The following ZNF621 variants were observed in gnomAD, a reference collection of about 807,000 sequenced individuals.
ZNF621 encodes the protein zinc finger protein 621.
Under a neutral mutation model 12.7 loss-of-function variants are expected in ZNF621, and 6 were observed. That is an observed-to-expected ratio of 0.47 (90% confidence interval 0.26 to 0.93). ZNF621 has a LOEUF of 0.93. Ranked by LOEUF, ZNF621 falls within the 40% of genes least tolerant of loss-of-function variation. The pLI, the probability that ZNF621 is intolerant of heterozygous loss-of-function variation, is 0.15. For synonymous variants in ZNF621, 156 were observed against 190.3 expected (o/e 0.82, Z 1.48); for missense variants, 474 against 524.0 (o/e 0.90, Z 0.93).
upstream of ZNF621, among the ~76,000 whole-genome samples, chr3:40,523,792 C>G (rs377693079): frequency 1.5e-5 from 1 of 66,782 alleles, no homozygotes; most frequent in Non-Finnish European, 2.8e-5. Context: ...AAAAAACAAG[C>G]AAAAAAAAAA....
upstream of ZNF621, among the ~76,000 whole-genome samples, chr3:40,523,550 G>T (rs1698505008): frequency 6.6e-6 from 1 of 152,050 alleles, no homozygotes; most frequent in Non-Finnish European, 1.5e-5. Context: ...CGGATCACAA[G>T]GTCAGGAGAT....
chr3:40,524,394 C>A (rs1225519152), upstream of ZNF621, among the ~76,000 whole-genome samples: 1 of 152,182 alleles, frequency 6.6e-6, no homozygotes. Context: ...CCTGTGTATA[C>A]AGGATGCCTA....
At chr3:40,531,689 A>G (rs1020597591) in intron 4 of ZNF621, among the ~76,000 whole-genome samples, 4 of 152,068 alleles carry the variant, frequency 2.6e-5, no homozygotes, top group African/African-American at 9.7e-5. Context: ...CAGCCTCCCT[A>G]GTAGCTAGGA....
intron 2 of ZNF621, among the ~76,000 whole-genome samples, chr3:40,527,239 A>T (rs905162238): frequency 1.5e-4 from 23 of 150,056 alleles, no homozygotes; most frequent in Non-Finnish European, 3.0e-4. Flanking sequence ...CTGATCTCGA[A>T]CTCCCGACCT....
At chr3:40,531,712 G>A (rs755890007) in intron 4 of ZNF621, among the ~76,000 whole-genome samples, 14 of 152,132 alleles carry the variant, frequency 9.2e-5, no homozygotes, top group East Asian at 5.8e-4. Context: ...ACAGGGGTGC[G>A]CCACCATGCC....
chr3:40,529,750 G>C (rs998443926), intron 3 of ZNF621, among the ~76,000 whole-genome samples: 11 of 152,190 alleles, frequency 7.2e-5, no homozygotes, highest in African/African-American at 2.7e-4. Context: ...AGCCTCCCAA[G>C]TAGCTGGGAC....
chr3:40,534,882 A>G lies in ZNF621; in HGVS notation c.*1792A>G, dbSNP rs929410829. On this transcript the variant is annotated 3_prime_UTR_variant, in exon 5 of 5. Coordinates refer to ENST00000339296, the MANE Select transcript of ZNF621 (RefSeq NM_198484.5). The stretch of plus-strand genomic sequence containing the variant: ...TTCCTGCACCAAAAATGATCAGGAG[A>G]AAGCATATTACCAGGCTGAACTGTC... 2.1e-4 allele frequency: 32 copies of G among 152,192 alleles called. No homozygotes were observed. Among genetic ancestry groups the G allele is most frequent in the African/African-American group, 7.5e-4 (31 of 41,444 alleles). The allele number at this position is 152,192 out of a possible 1,614,324, so 9.4% of individuals were successfully genotyped here.
At chr3:40,526,220 T>C (rs1348611071) in intron 2 of ZNF621, among the ~76,000 whole-genome samples, 1 of 152,130 alleles carries the variant, frequency 6.6e-6, no homozygotes, top group Non-Finnish European at 1.5e-5. Flanking sequence ...CAAGCTGGAG[T>C]GTAGTGGCAC....
chr3:40,539,450 G>A lies in ZNF621; in HGVS notation c.*6360G>A, dbSNP rs1698950643. 6.6e-6 allele frequency: 1 copy of A among 152,178 alleles called. No individual in the cohort carries two copies. Among genetic ancestry groups the A allele is most frequent in the South Asian group, 2.1e-4 (1 of 4,836 alleles). The allele number at this position is 152,178 out of a possible 1,614,324, so 9.4% of individuals were successfully genotyped here. On this transcript the variant is annotated 3_prime_UTR_variant, in exon 5 of 5. Coordinates refer to ENST00000339296, the MANE Select transcript of ZNF621 (RefSeq NM_198484.5). ...ATAAAATATTTTTAAATTAAAGTAT[G>A]TACATTGTCAGATATAATGCTATTG...
In ZNF621 at chr3:40,536,479, G is replaced by C. The variant is rs1698866774; in HGVS notation, c.*3389G>C. On this transcript the variant is annotated 3_prime_UTR_variant, in exon 5 of 5. Transcript: ENST00000339296. ...CAAAATTATAAAGAAAGCATAGAGA[G>C]GTAAGCATTAGTGGCACAGCTGAGA... The C allele has an allele frequency of 6.6e-6, 1 of 152,190 alleles. No homozygotes were observed. The highest frequency in any genetic ancestry group is 2.1e-4 in the South Asian group (1 of 4,824). 9.4% of individuals were successfully genotyped at this position (152,190 alleles called of 1,614,324 possible).
chr3:40,527,387 A>C (rs1469666019), intron 2 of ZNF621, among the ~76,000 whole-genome samples: 1 of 150,622 alleles, frequency 6.6e-6, no homozygotes. Context: ...GCTGGAGTGC[A>C]GTGGCATGAT....
rs142841846 is a variant in ZNF621, at chr3:40,532,504, G to A, written c.734G>A (p.Arg245His). ...TGTAAAGAGTGTGGAAAGGCTTTCC[G>A]TAGGAGTGCGGCATACCTGCAGCAT... ...YECKECGKAFRRSAAYLQHQR... is the reference protein window; with the variant it reads ...YECKECGKAFHRSAAYLQHQR... The change falls in exon 5 of 5, where the codon CGT (arginine) becomes CAT (histidine). Residue 245 changes from arginine to histidine, a missense_variant. Arg to His is a conservative substitution (Grantham distance 29). Transcript: ENST00000339296. 29 of 1,614,056 alleles carry A rather than the reference G, an allele frequency of 1.8e-5. No individual in the cohort carries two copies. The highest frequency in any genetic ancestry group is 3.3e-5 in the Admixed American group (2 of 60,012).
chr3:40,526,997 A>G (rs1372387916), intron 2 of ZNF621, among the ~76,000 whole-genome samples: 1 of 152,118 alleles, frequency 6.6e-6, no homozygotes, highest in Non-Finnish European at 1.5e-5. Flanking sequence ...CTGGGATTAC[A>G]GGCATGCACC....
rs971406040 is a variant in ZNF621, at chr3:40,537,873, T to C, written c.*4783T>C. Reference sequence around the variant, plus strand: ...ATTTATCCAGATCTAGCTAAGTTAATTGATGAAGTTGCTACACCACGAGAT... The same window carrying C: ...ATTTATCCAGATCTAGCTAAGTTAACTGATGAAGTTGCTACACCACGAGAT... On this transcript the variant is annotated 3_prime_UTR_variant, in exon 5 of 5. Coordinates refer to ENST00000339296, the MANE Select transcript of ZNF621 (RefSeq NM_198484.5). Among the ~76,000 whole-genome samples the C allele has an allele frequency of 1.2e-4, 18 of 152,200 alleles. No individual in the cohort carries two copies. Among genetic ancestry groups the C allele is most frequent in the African/African-American group, 4.1e-4 (17 of 41,452 alleles).
At position 40,535,193 on chromosome 3, in the gene ZNF621, A is replaced by G. The variant is rs527518317; in HGVS notation, c.*2103A>G. 3 of 152,324 alleles carry G rather than the reference A, an allele frequency of 2.0e-5. No homozygotes were observed. In the East Asian group the frequency reaches 5.8e-4, roughly 29 times the overall value. The allele number at this position is 152,324 out of a possible 1,614,324, so 9.4% of individuals were successfully genotyped here. A position where few individuals can be genotyped will look rare whatever the true frequency, so the allele number is the denominator to read the frequency against. On this transcript the variant is annotated 3_prime_UTR_variant, in exon 5 of 5. Transcript: ENST00000339296. ...ACTTGAGTTCGGAAGGGCTGTGGCC[A>G]CCTCGTTTCGCCCATCTACTTTTCA...
chr3:40,530,164 T>C (rs1357306422), intron 3 of ZNF621, 45 bp from the exon 4 acceptor site: 5 of 1,538,912 alleles, frequency 3.2e-6, no homozygotes, highest in Non-Finnish European at 4.5e-6. Context: ...CAGGAATAGC[T>C]CTGGACGTCT....
chr3:40,538,386 G>T lies in ZNF621; in HGVS notation c.*5296G>T, dbSNP rs552559089. ...AAATTAGCTGGATGTGGTGGTGTGT[G>T]CCTGTAATCCCAGCTACTTGGGAGG... On this transcript the variant is annotated 3_prime_UTR_variant, in exon 5 of 5. Transcript: ENST00000339296. 2 of 215,270 alleles carry T rather than the reference G, an allele frequency of 9.3e-6. No homozygotes were observed. Among genetic ancestry groups the T allele is most frequent in the Non-Finnish European group, 1.9e-5 (2 of 103,380 alleles). 13.3% of individuals were successfully genotyped at this position (215,270 alleles called of 1,614,324 possible).
At chr3:40,525,643 C>G (rs1698560995) in intron 1 of ZNF621, 136 bp from the exon 2 acceptor site, 2 of 701,174 alleles carry the variant, frequency 2.9e-6, no homozygotes, top group Non-Finnish European at 5.0e-6. Context: ...GGGCTATCAG[C>G]GTGAGAACAA....
Position 40,533,070 on chromosome 3 carries a change from CCTT to C in ZNF621, c.1306_1308del (p.Ser436del), listed in dbSNP as rs1313063276. On this transcript the variant is annotated inframe_deletion, in exon 5 of 5. Transcript: ENST00000339296. The stretch of plus-strand genomic sequence containing the variant: ...GAAACCTTCCCCAGTTATTCTCACC[CCTT>C]CTTCTCACTCCTCATGAGCTTTATC... The C allele has an allele frequency of 1.3e-6, 2 of 1,551,464 alleles. No homozygotes were observed. Among genetic ancestry groups the C allele is most frequent in the African/African-American group, 2.7e-5 (2 of 73,034 alleles).
Sources: allele counts gnomAD v4.1 joint callset (sites outside exome capture counted in the v4.1 genomes callset), GRCh38; gene constraint gnomAD v4.1.1; transcripts MANE v1.5; gene names NCBI Gene and HGNC (gene_info 2026-07-23, HGNC 2026-07-21).